Variants in KIF26B observed in about 807,000 individuals in gnomAD.
KIF26B encodes kinesin-like protein KIF26B.
A neutral mutation model predicts 151.2 loss-of-function variants in KIF26B; 63 were observed. The observed-to-expected ratio is 0.42, with a 90% confidence interval of 0.34 to 0.51. The LOEUF (loss-of-function observed/expected upper bound fraction) is 0.51. Among genes scored for constraint, KIF26B ranks in the 20% least tolerant of loss-of-function variants. The pLI is 0.07. For missense variants in KIF26B, 2,813 were observed against 2,913.6 expected (o/e 0.97, Z 0.79); for synonymous variants, 1,357 against 1,262.1 (o/e 1.08, Z -1.59).
In KIF26B at chr1:245,244,056, G is replaced by A. The variant is rs921521722; in HGVS notation, c.465+87373G>A. On this transcript the variant is annotated intron_variant, in intron 2 of 14. Coordinates refer to ENST00000407071, the MANE Select transcript of KIF26B (RefSeq NM_018012.4). The surrounding 1 kb of genome is among the most constrained non-coding windows in gnomAD (Gnocchi z 4.2). ...CTCACTCAAGCAATCCTCTTGCCTC[G>A]GCCTCTTGTCCTGTTGAGTAGCTAG... Among the ~76,000 whole-genome samples, 19 of 151,894 alleles carry A rather than the reference G, an allele frequency of 1.3e-4. 1 individual carries two copies. Among genetic ancestry groups the A allele is most frequent in the African/African-American group, 3.6e-4 (15 of 41,320 alleles).
At chr1:245,217,285 G>GA (rs1385108960) in intron 2 of KIF26B, among the ~76,000 whole-genome samples, 5 of 151,196 alleles carry the variant, frequency 3.3e-5, no homozygotes, top group African/African-American at 4.9e-5. Flanking sequence ...CTTTTAGTTG[G>GA]AAAAAAAATT....
intron 2 of KIF26B, among the ~76,000 whole-genome samples, chr1:245,255,667 A>G (rs1490947542): frequency 6.6e-6 from 1 of 152,212 alleles, no homozygotes; most frequent in South Asian, 2.1e-4. Flanking sequence ...TCTCTTACAA[A>G]AATCAGTTTG....
At chr1:245,334,840 G>C (rs1037033371) in intron 2 of KIF26B, among the ~76,000 whole-genome samples, 2 of 152,142 alleles carry the variant, frequency 1.3e-5, no homozygotes, top group African/African-American at 4.8e-5. Context: ...ACCCTGTACA[G>C]TAGGTATGAC....
At chr1:245,691,051 T>G (rs2044619248) in intron 12 of KIF26B, among the ~76,000 whole-genome samples, 1 of 152,256 alleles carries the variant, frequency 6.6e-6, no homozygotes, top group African/African-American at 2.4e-5. Flanking sequence ...ATCGGCTGCG[T>G]GGCCACGTGT....
intron 2 of KIF26B, among the ~76,000 whole-genome samples, chr1:245,168,229 G>T (rs989289833): frequency 1.3e-5 from 2 of 152,192 alleles, no homozygotes; most frequent in Non-Finnish European, 2.9e-5. Flanking sequence ...AAGCTGTTCT[G>T]TGGGCTGCCA....
chr1:245,377,617 G>C (rs1673307801), intron 3 of KIF26B, among the ~76,000 whole-genome samples: 1 of 152,126 alleles, frequency 6.6e-6, no homozygotes, highest in Non-Finnish European at 1.5e-5. Flanking sequence ...ATTCTAAATA[G>C]ATAGACAGAC....
At chr1:245,555,358 G>T (rs543500201) in intron 5 of KIF26B, among the ~76,000 whole-genome samples, 14 of 152,238 alleles carry the variant, frequency 9.2e-5, no homozygotes, top group African/African-American at 3.1e-4. Context: ...CGAGTGCTCC[G>T]GGACGCTTCT....
intron 3 of KIF26B, among the ~76,000 whole-genome samples, chr1:245,390,943 A>AACAAAACAAAACAAAACAAAAC (rs1553270125): frequency 0.014 from 1,622 of 118,466 alleles, 216 homozygotes; most frequent in African/African-American, 0.061. Flanking sequence ...AAAAAAAAAA[A>AACAAAACAAAACAAAACAAAAC]AAAAAAAAAC....
intron 9 of KIF26B, among the ~76,000 whole-genome samples, chr1:245,618,711 C>G (rs2043621489): frequency 7.2e-6 from 1 of 139,020 alleles, no homozygotes. Context: ...AGTGCTGGGG[C>G]TGTGTCTGCT....
intron 2 of KIF26B, among the ~76,000 whole-genome samples, chr1:245,231,470 C>T (rs555460898): frequency 3.3e-5 from 5 of 152,114 alleles, no homozygotes; most frequent in South Asian, 2.1e-4. Flanking sequence ...GAGCCAAGTT[C>T]GTGCCACTGC....
intron 2 of KIF26B, among the ~76,000 whole-genome samples, chr1:245,194,568 G>A (rs1669161310): frequency 6.6e-6 from 1 of 152,038 alleles, no homozygotes; most frequent in Non-Finnish European, 1.5e-5. Context: ...AGTAGAGATG[G>A]GGTTTTGCCA....
In KIF26B at chr1:245,352,320, A is replaced by G. The variant is rs1264415865; in HGVS notation, c.466-14514A>G. Among the ~76,000 whole-genome samples the G allele has an allele frequency of 6.6e-6, 1 of 152,106 alleles. No homozygotes were observed. Among genetic ancestry groups the G allele is most frequent in the African/African-American group, 2.4e-5 (1 of 41,400 alleles). On this transcript the variant is annotated intron_variant, in intron 2 of 14. Coordinates refer to ENST00000407071, the MANE Select transcript of KIF26B (RefSeq NM_018012.4). The surrounding 1 kb of genome is among the most constrained non-coding windows in gnomAD (Gnocchi z 5.0). ...ATTCCTTCACTCAGACTGGAGGGCA[A>G]TGGTGCGATCTCAGCTCACTGCAAC...
chr1:245,252,954 T>A (rs888277926), intron 2 of KIF26B, among the ~76,000 whole-genome samples: 1 of 152,074 alleles, frequency 6.6e-6, no homozygotes, highest in Non-Finnish European at 1.5e-5. Context: ...TAAATCAGAA[T>A]TGAATTTTAT....
intron 5 of KIF26B, among the ~76,000 whole-genome samples, chr1:245,547,189 G>T (rs755039925): frequency 2.0e-5 from 3 of 152,222 alleles, no homozygotes; most frequent in Non-Finnish European, 4.4e-5. Context: ...CCATGCCACT[G>T]TTGAACTTAG....
chr1:245,397,231 T>G (rs1023979384), intron 3 of KIF26B, among the ~76,000 whole-genome samples: 1 of 152,042 alleles, frequency 6.6e-6, no homozygotes, highest in African/African-American at 2.4e-5. Context: ...TTTTCTTTTT[T>G]TGAGACAGAG....
chr1:245,679,503 C>G (rs1340820894), intron 10 of KIF26B, among the ~76,000 whole-genome samples: 1 of 108,406 alleles, frequency 9.2e-6, no homozygotes, highest in Non-Finnish European at 1.7e-5. Context: ...AGGTCTTGCT[C>G]TGTCACCCAG....
intron 4 of KIF26B, among the ~76,000 whole-genome samples, chr1:245,463,588 G>A (rs1198411854): frequency 6.6e-6 from 1 of 152,122 alleles, no homozygotes; most frequent in African/African-American, 2.4e-5. Context: ...ACACTTCCTG[G>A]GACTTTGCAG....
At chr1:245,286,058 A>G (rs1671160420) in intron 2 of KIF26B, among the ~76,000 whole-genome samples, 1 of 151,636 alleles carries the variant, frequency 6.6e-6, no homozygotes. Context: ...GGAGAATGCC[A>G]ACTCAAGAGG....
chr1:245,576,761 C>T (rs1463726655), intron 5 of KIF26B, among the ~76,000 whole-genome samples: 4 of 152,188 alleles, frequency 2.6e-5, no homozygotes, highest in Admixed American at 2.6e-4. Context: ...CTGTCTGGCA[C>T]ATTGTTTAGA....
Sources: allele counts gnomAD v4.1 joint callset (sites outside exome capture counted in the v4.1 genomes callset), GRCh38; gene constraint gnomAD v4.1.1; non-coding constraint Gnocchi (gnomAD v3.1); transcripts MANE v1.5; gene names NCBI Gene and HGNC (gene_info 2026-07-23, HGNC 2026-07-21).